The following COL28A1 variants were observed in gnomAD, a reference collection of about 807,000 sequenced individuals.
COL28A1 encodes collagen type XXVIII alpha 1 chain.
Under a neutral mutation model 150.2 loss-of-function variants are expected in COL28A1, and 161 were observed. The observed-to-expected ratio is 1.07, with a 90% CI of 0.94 to 1.22. The LOEUF is 1.22. COL28A1 is among the 50% of genes most tolerant of loss of function. The probability of loss-of-function intolerance (pLI) is 0.00; values close to 1 mark genes in which losing one functional copy is unlikely to be tolerated. For synonymous variants in COL28A1, 552 were observed against 469.7 expected (o/e 1.18, Z -2.26); for missense variants, 1,617 against 1,388.3 (o/e 1.16, Z -2.62).
chr7:7,355,646 C>T (rs978512437), downstream of COL28A1, among the ~76,000 whole-genome samples: 1 of 151,968 alleles, frequency 6.6e-6, no homozygotes, highest in African/African-American at 2.4e-5. Flanking sequence ...CCATTTTATA[C>T]CTATACTAGC....
At chr7:7,508,122 C>T (rs904953398) in intron 9 of COL28A1, among the ~76,000 whole-genome samples, 3 of 151,958 alleles carry the variant, frequency 2.0e-5, no homozygotes, top group Non-Finnish European at 4.4e-5. Context: ...GTCCCAGCTA[C>T]TGGGGAGGCT....
chr7:7,421,942 A>C (rs1784405795), intron 25 of COL28A1, among the ~76,000 whole-genome samples: 1 of 152,036 alleles, frequency 6.6e-6, no homozygotes, highest in Non-Finnish European at 1.5e-5. Context: ...TGCCAGCTGA[A>C]AGGATCACTC....
chr7:7,516,152 T>G (rs1781404684), intron 7 of COL28A1, among the ~76,000 whole-genome samples: 2 of 152,266 alleles, frequency 1.3e-5, no homozygotes, highest in African/African-American at 4.8e-5. Context: ...ATTGTAGAAG[T>G]GATGGCCTAT....
At position 7,373,306 on chromosome 7, in the gene COL28A1, T is replaced by C. The variant is rs1255758781; in HGVS notation, c.2600A>G (p.Asn867Ser). Residue 867 changes from asparagine to serine, a missense_variant, in exon 32 of 35, where the codon AAC (asparagine) becomes AGC (serine). Physicochemically the swap from Asn to Ser is conservative, Grantham distance 46. Transcript: ENST00000399429. The surrounding 1 kb of genome is among the most constrained non-coding windows in gnomAD (Gnocchi z 4.1). ...SKDDFKLAVD[N>S]MQYLGEGTYT... ...TGTGCCTTCCCCCAGATACTGCATG[T>C]TGTCCACAGCCAACTTGAAGTCATC... 6 of 1,614,184 alleles carry C rather than the reference T, an allele frequency of 3.7e-6. No individual in the cohort carries two copies. The South Asian group carries it at 4.4e-5, about 12-fold the overall frequency.
At chr7:7,462,783 C>T (rs542873645) in intron 15 of COL28A1, among the ~76,000 whole-genome samples, 5 of 151,308 alleles carry the variant, frequency 3.3e-5, no homozygotes, top group Non-Finnish European at 5.9e-5. Flanking sequence ...CACTTGAACC[C>T]GGGAGGCAGA....
chr7:7,444,296 A>T, intron 19 of COL28A1, 122 bp downstream of exon 19: 2 of 1,326,756 alleles, frequency 1.5e-6, no homozygotes, highest in Non-Finnish European at 2.1e-6. Context: ...TGGGATTGTG[A>T]GATATTTTTT....
chr7:7,527,942 A>G (rs1782122293), intron 3 of COL28A1, among the ~76,000 whole-genome samples: 1 of 152,210 alleles, frequency 6.6e-6, no homozygotes, highest in Non-Finnish European at 1.5e-5. Context: ...TTAAAATGGT[A>G]GCAAAATGGC....
At chr7:7,468,718 T>C (rs1294686851) in intron 15 of COL28A1, among the ~76,000 whole-genome samples, 1 of 7,158 alleles carries the variant, frequency 1.4e-4, no homozygotes, top group Non-Finnish European at 2.6e-4. Context: ...AATAAAATAC[T>C]GGCAAACCGA....
intron 32 of COL28A1, 130 bp downstream of exon 32, chr7:7,372,868 G>T: frequency 1.4e-6 from 1 of 690,070 alleles, no homozygotes; most frequent in Non-Finnish European, 2.5e-6. Flanking sequence ...GAGTTTACGT[G>T]TTACCATTTA....
chr7:7,478,673 T>A (rs1039175041), intron 13 of COL28A1, among the ~76,000 whole-genome samples: 1 of 152,198 alleles, frequency 6.6e-6, no homozygotes. Context: ...AGTCTGCAGG[T>A]CCCAAGCCCT....
intron 27 of COL28A1, among the ~76,000 whole-genome samples, chr7:7,390,647 T>C (rs1782485653): frequency 6.6e-6 from 1 of 152,172 alleles, no homozygotes; most frequent in South Asian, 2.1e-4. Context: ...TGGTAGGCTA[T>C]TAATTACTGC....
intron 15 of COL28A1, among the ~76,000 whole-genome samples, chr7:7,459,759 G>C (rs187475723): frequency 2.4e-4 from 37 of 152,334 alleles, no homozygotes; most frequent in African/African-American, 8.9e-4. Flanking sequence ...ACGAGGAGCT[G>C]ACCTGACCCT....
At chr7:7,349,566 C>T in the COL28A1 span, among the ~76,000 whole-genome samples, 3 of 152,230 alleles carry the variant, frequency 2.0e-5, no homozygotes, top group African/African-American at 7.2e-5. Flanking sequence ...TTCCTGGACT[C>T]CAGTATTTTC....
chr7:7,524,206 T>C (rs775923836), intron 4 of COL28A1, 23 bp downstream of exon 4: 2 of 1,136,770 alleles, frequency 1.8e-6, no homozygotes, highest in South Asian at 2.5e-5. Context: ...TAATTCGTAG[T>C]AATCAAAGCA....
chr7:7,481,948 T>C (rs1046974338), intron 13 of COL28A1, among the ~76,000 whole-genome samples: 1 of 152,168 alleles, frequency 6.6e-6, no homozygotes, highest in African/African-American at 2.4e-5. Flanking sequence ...CCTGACAGTC[T>C]TAACCAATTT....
At chr7:7,356,275 T>C (rs1780351512), downstream of COL28A1, 2 of 152,204 alleles carry the variant, frequency 1.3e-5, no homozygotes, top group African/African-American at 4.8e-5. Flanking sequence ...TATAGAGTTT[T>C]ACATGTAAAA....
intron 23 of COL28A1, among the ~76,000 whole-genome samples, chr7:7,433,901 C>T (rs181960783): frequency 1.3e-5 from 2 of 152,238 alleles, no homozygotes; most frequent in Admixed American, 1.3e-4. Context: ...AAGAAAGTAG[C>T]AGGACTCTTA....
the COL28A1 span, among the ~76,000 whole-genome samples, chr7:7,343,662 G>A: frequency 6.6e-6 from 1 of 151,922 alleles, no homozygotes; most frequent in Non-Finnish European, 1.5e-5. Flanking sequence ...TCTTTGCCTT[G>A]TATATTTTTC....
intron 11 of COL28A1, among the ~76,000 whole-genome samples, chr7:7,502,959 A>C (rs1780616712): frequency 2.2e-5 from 1 of 46,156 alleles, no homozygotes; most frequent in Non-Finnish European, 3.5e-5. Flanking sequence ...GGCCTCCCAA[A>C]GTGCTGGGAT....
Sources: allele counts gnomAD v4.1 joint callset (sites outside exome capture counted in the v4.1 genomes callset), GRCh38; gene constraint gnomAD v4.1.1; non-coding constraint Gnocchi (gnomAD v3.1); transcripts MANE v1.5; gene names NCBI Gene and HGNC (gene_info 2026-07-23, HGNC 2026-07-21).